Variants in PTPRD observed in about 807,000 individuals in gnomAD.
PTPRD encodes the protein protein tyrosine phosphatase receptor type D, also known as receptor-type tyrosine-protein phosphatase delta.
Under a neutral mutation model 214.5 loss-of-function variants are expected in PTPRD, and 34 were observed. The ratio of observed to expected loss-of-function variants is 0.16; its 90% CI spans 0.12 to 0.21. The LOEUF (loss-of-function observed/expected upper bound fraction) is 0.21. PTPRD is among the 10% of genes least tolerant of loss of function. The pLI is 1.00. For synonymous variants in PTPRD, 1,128 were observed against 845.7 expected (o/e 1.33, Z -5.79); for missense variants, 2,545 against 2,398.7 (o/e 1.06, Z -1.27).
At chr9:8,817,105 G>A (rs560721228) in intron 11 of PTPRD, among the ~76,000 whole-genome samples, 6 of 152,234 alleles carry the variant, frequency 3.9e-5, no homozygotes, top group Admixed American at 6.5e-5. Context: ...TATCAATTAC[G>A]GCCTTAAATT....
intron 11 of PTPRD, among the ~76,000 whole-genome samples, chr9:8,906,226 C>T (rs1322417389): frequency 6.6e-6 from 1 of 152,134 alleles, no homozygotes; most frequent in Non-Finnish European, 1.5e-5. Flanking sequence ...TCCTTATAGT[C>T]ATGGTTTATA....
At chr9:9,594,012 C>T (rs1408532402) in intron 7 of PTPRD, among the ~76,000 whole-genome samples, 1 of 151,972 alleles carries the variant, frequency 6.6e-6, no homozygotes, top group East Asian at 1.9e-4. Flanking sequence ...TACAGTGGTA[C>T]TTGTATGTGG....
chr9:8,973,710 T>C (rs1293715935), intron 11 of PTPRD, among the ~76,000 whole-genome samples: 1 of 152,082 alleles, frequency 6.6e-6, no homozygotes, highest in Admixed American at 6.6e-5. Flanking sequence ...CATTTCTCTG[T>C]AGCCTCTCCA....
At chr9:8,656,694 T>C (rs900841825) in intron 12 of PTPRD, among the ~76,000 whole-genome samples, 7 of 152,206 alleles carry the variant, frequency 4.6e-5, no homozygotes, top group Non-Finnish European at 1.5e-5. Context: ...AATTGAAATA[T>C]ATTTGTTTTG....
intron 5 of PTPRD, among the ~76,000 whole-genome samples, chr9:9,872,931 T>A (rs1032455282): frequency 1.3e-5 from 2 of 152,134 alleles, no homozygotes; most frequent in African/African-American, 4.8e-5. Context: ...TTATTAAGTA[T>A]GGGCTTGATA....
chr9:8,609,703 T>G (rs1294410980), intron 14 of PTPRD, among the ~76,000 whole-genome samples: 1 of 152,230 alleles, frequency 6.6e-6, no homozygotes. Flanking sequence ...AACTCAAGTT[T>G]ATTTTTACTA....
chr9:9,083,980 T>C (rs561419659), intron 10 of PTPRD, among the ~76,000 whole-genome samples: 27 of 152,300 alleles, frequency 1.8e-4, no homozygotes, highest in African/African-American at 6.3e-4. Flanking sequence ...TCAACCATTG[T>C]GGAAGACAGT....
chr9:9,299,570 A>G (rs1954456999), intron 9 of PTPRD, among the ~76,000 whole-genome samples: 1 of 151,732 alleles, frequency 6.6e-6, no homozygotes, highest in Admixed American at 6.6e-5. Flanking sequence ...CAGATTATTT[A>G]TAACTCTCAA....
chr9:8,437,125 A>C (rs755808163), intron 34 of PTPRD: 6 of 1,032,548 alleles, frequency 5.8e-6, no homozygotes, highest in Non-Finnish European at 8.4e-6. Flanking sequence ...ACACTGAGAA[A>C]GGCCTAAAAG....
chr9:9,988,632 G>A (rs57640085), intron 4 of PTPRD, among the ~76,000 whole-genome samples: 3,798 of 152,004 alleles, frequency 0.025, 167 homozygotes, highest in African/African-American at 0.086. Flanking sequence ...AAGTAAAATA[G>A]CCCAAATAAT....
At chr9:9,648,310 C>T (rs1277349288) in intron 7 of PTPRD, among the ~76,000 whole-genome samples, 1 of 151,986 alleles carries the variant, frequency 6.6e-6, no homozygotes, top group Non-Finnish European at 1.5e-5. Flanking sequence ...AGGGACTTTC[C>T]TAATATTACA....
chr9:10,188,290 A>C (rs1216485109), intron 3 of PTPRD, among the ~76,000 whole-genome samples: 1 of 152,170 alleles, frequency 6.6e-6, no homozygotes, highest in Non-Finnish European at 1.5e-5. Context: ...TAACTCATGA[A>C]AGCATGGTAA....
Position 8,616,401 on chromosome 9 carries a change from T to C in PTPRD, c.352+16916A>G, listed in dbSNP as rs553565517. 4.6e-5 allele frequency among the ~76,000 whole-genome samples: 7 copies of C among 152,220 alleles called. No individual in the cohort carries two copies. In the East Asian group the frequency reaches 1.4e-3, roughly 29 times the overall value. On this transcript the variant is annotated intron_variant, in intron 14 of 45. Transcript: ENST00000381196. ...CATTTTGCACTAAATATTTAACACC[T>C]TGCTTTACAAGTTTGATAACTACCA...
intron 2 of PTPRD, among the ~76,000 whole-genome samples, chr9:10,515,361 T>C (rs1372240950): frequency 6.6e-6 from 1 of 151,972 alleles, no homozygotes; most frequent in Non-Finnish European, 1.5e-5. Context: ...GCCTTTGTGG[T>C]CCACAATCAA....
chr9:8,683,699 G>A (rs1207112345), intron 12 of PTPRD, among the ~76,000 whole-genome samples: 1 of 152,148 alleles, frequency 6.6e-6, no homozygotes, highest in African/African-American at 2.4e-5. Context: ...CTGGGCACAG[G>A]GTTGTGACAG....
chr9:10,245,396 A>T (rs1014444313), intron 3 of PTPRD, among the ~76,000 whole-genome samples: 4 of 152,154 alleles, frequency 2.6e-5, no homozygotes, highest in Non-Finnish European at 4.4e-5. Flanking sequence ...TTTATCTATG[A>T]TTTCCAAAAT....
chr9:8,672,955 A>T, intron 12 of PTPRD, among the ~76,000 whole-genome samples: 1 of 152,090 alleles, frequency 6.6e-6, no homozygotes, highest in East Asian at 1.9e-4. Flanking sequence ...AAATAAATGT[A>T]ACTGGAAAAT....
At chr9:8,403,609 C>T (rs1216953907) in intron 36 of PTPRD, among the ~76,000 whole-genome samples, 2 of 152,276 alleles carry the variant, frequency 1.3e-5, no homozygotes, top group East Asian at 3.9e-4. Context: ...GAAAAATGAT[C>T]CGTCATGAAT....
At chr9:8,602,696 C>G (rs543306745) in intron 14 of PTPRD, among the ~76,000 whole-genome samples, 33 of 152,274 alleles carry the variant, frequency 2.2e-4, no homozygotes, top group Middle Eastern at 6.8e-3. Flanking sequence ...TGAACTCAAC[C>G]TGCATCAATA....
Sources: allele counts gnomAD v4.1 joint callset (sites outside exome capture counted in the v4.1 genomes callset), GRCh38; gene constraint gnomAD v4.1.1; transcripts MANE v1.5; gene names NCBI Gene and HGNC (gene_info 2026-07-23, HGNC 2026-07-21).